Variants in GXYLT2 observed in about 807,000 individuals in gnomAD.
The protein encoded by GXYLT2 is glycosyltransferase 8 domain containing 4.
In GXYLT2, 53 loss-of-function variants were observed where a neutral mutation model predicts 45.8. That is an observed-to-expected ratio of 1.16 (90% CI 0.93 to 1.46). The LOEUF (loss-of-function observed/expected upper bound fraction) is 1.46, where lower values mean the gene tolerates loss of function less well. Ranked by LOEUF, GXYLT2 falls within the 40% of genes most tolerant of loss-of-function variation. The pLI, the probability that GXYLT2 is intolerant of heterozygous loss-of-function variation, is 0.00. For synonymous variants in GXYLT2, 219 were observed against 214.2 expected, an observed-to-expected ratio of 1.02 and a Z score of -0.19; for missense variants, 551 against 544.4, an observed-to-expected ratio of 1.01 and a Z score of -0.12.
At chr3:72,972,724 A>T (rs902245316) in intron 6 of GXYLT2, among the ~76,000 whole-genome samples, 3 of 149,572 alleles carry the variant, frequency 2.0e-5, no homozygotes, top group Non-Finnish European at 4.4e-5. Context: ...AGAAAAATTC[A>T]GCCTGGGCGA....
At chr3:72,924,575 G>A (rs1204494356) in intron 3 of GXYLT2, among the ~76,000 whole-genome samples, 1 of 152,102 alleles carries the variant, frequency 6.6e-6, no homozygotes, top group African/African-American at 2.4e-5. Context: ...TCTAACTTGT[G>A]TTTTAGAGAA....
intron 5 of GXYLT2, among the ~76,000 whole-genome samples, chr3:72,967,032 C>T (rs559209224): frequency 2.6e-5 from 4 of 152,240 alleles, no homozygotes; most frequent in African/African-American, 9.6e-5. Flanking sequence ...GCCTCCCAAA[C>T]TCTGGGATTA....
chr3:72,894,892 GTA>G (rs1354866876), intron 1 of GXYLT2, among the ~76,000 whole-genome samples: 1 of 152,198 alleles, frequency 6.6e-6, no homozygotes, highest in African/African-American at 2.4e-5. Flanking sequence ...CCACTGGACT[GTA>G]TGTAAGGCGG....
chr3:72,907,256 A>G (rs757144968), intron 1 of GXYLT2, among the ~76,000 whole-genome samples: 26 of 152,228 alleles, frequency 1.7e-4, no homozygotes, highest in Non-Finnish European at 3.2e-4. Flanking sequence ...CATGCTCATA[A>G]GTAATCAAAC....
chr3:72,931,504 CAGGCG>C (rs1710034776), intron 3 of GXYLT2, among the ~76,000 whole-genome samples: 2 of 152,114 alleles, frequency 1.3e-5, no homozygotes, highest in Admixed American at 1.3e-4. Flanking sequence ...GCTAGGATTA[CAGGCG>C]TGAGCCACCG....
intron 5 of GXYLT2, among the ~76,000 whole-genome samples, chr3:72,964,755 C>A (rs1248488459): frequency 6.6e-6 from 1 of 152,234 alleles, no homozygotes; most frequent in African/African-American, 2.4e-5. Flanking sequence ...AGACACTCAA[C>A]AAATAGTCAT....
chr3:72,899,757 T>A (rs4501056), intron 1 of GXYLT2, among the ~76,000 whole-genome samples: 44,306 of 152,054 alleles, frequency 0.29, 6,891 homozygotes, highest in Non-Finnish European at 0.34. Context: ...GACTTTCTCC[T>A]TGTTAAAATA....
chr3:72,922,895 G>A (rs1369460573), intron 3 of GXYLT2, among the ~76,000 whole-genome samples: 1 of 152,164 alleles, frequency 6.6e-6, no homozygotes, highest in Non-Finnish European at 1.5e-5. Context: ...AAGGCAGGCG[G>A]ATCACTTGAG....
At chr3:72,895,366 G>A (rs1709269144) in intron 1 of GXYLT2, among the ~76,000 whole-genome samples, 1 of 152,136 alleles carries the variant, frequency 6.6e-6, no homozygotes, top group South Asian at 2.1e-4. Flanking sequence ...GATGTAATGA[G>A]TTCCCCTTTT....
At chr3:72,924,647 G>T (rs996674395) in intron 3 of GXYLT2, among the ~76,000 whole-genome samples, 1 of 152,074 alleles carries the variant, frequency 6.6e-6, no homozygotes, top group African/African-American at 2.4e-5. Flanking sequence ...ACTTGGTTTG[G>T]GCTTTGATGG....
In GXYLT2 at chr3:72,967,585, C is replaced by A; in HGVS notation, c.1015C>A (p.Pro339Thr). ...ATTCCCCTGCCAGTGGAACTACCGTCCCGATCACTGCATGTACGGAAGCAA... is the reference window on the plus strand; with the variant it reads ...ATTCCCCTGCCAGTGGAACTACCGTACCGATCACTGCATGTACGGAAGCAA... The part of the protein sequence containing the change: ...YVFPCQWNYR[P>T]DHCMYGSNCR... The change falls in exon 6 of 7, where the codon CCC becomes ACC. Residue 339 changes from proline to threonine, a missense_variant. By Grantham distance (38) the Pro-to-Thr change is conservative. Transcript: ENST00000389617. The A allele has an allele frequency of 6.2e-7, 1 of 1,613,824 alleles. No homozygotes were observed.
At chr3:72,903,116 T>C (rs1288718654) in intron 1 of GXYLT2, among the ~76,000 whole-genome samples, 1 of 152,180 alleles carries the variant, frequency 6.6e-6, no homozygotes, top group African/African-American at 2.4e-5. Flanking sequence ...GCACTGAAAA[T>C]GGAATAGCTT....
intron 2 of GXYLT2, among the ~76,000 whole-genome samples, chr3:72,916,142 C>T (rs2107092877): frequency 6.6e-6 from 1 of 150,516 alleles, no homozygotes. Context: ...ATGTCACTTC[C>T]TGGTGGAAAC....
chr3:72,941,041 C>T (rs961651313), intron 3 of GXYLT2, among the ~76,000 whole-genome samples: 2 of 152,122 alleles, frequency 1.3e-5, no homozygotes, highest in African/African-American at 4.8e-5. Flanking sequence ...CAGAGCTTTA[C>T]GTAATGTATG....
At chr3:72,964,596 C>T (rs1710829153) in intron 5 of GXYLT2, among the ~76,000 whole-genome samples, 1 of 152,204 alleles carries the variant, frequency 6.6e-6, no homozygotes, top group Admixed American at 6.5e-5. Context: ...GCTGGGATTA[C>T]AGGCGTGAGC....
chr3:72,909,945 T>G (rs1709587388), intron 2 of GXYLT2, among the ~76,000 whole-genome samples: 1 of 151,976 alleles, frequency 6.6e-6, no homozygotes, highest in African/African-American at 2.4e-5. Flanking sequence ...GGAAAATGTG[T>G]TATGTTTGAG....
chr3:72,897,450 C>G (rs1016773256), intron 1 of GXYLT2, among the ~76,000 whole-genome samples: 1 of 152,176 alleles, frequency 6.6e-6, no homozygotes, highest in Non-Finnish European at 1.5e-5. Context: ...CCAGGGCTGC[C>G]TCTGTTGACC....
At chr3:72,955,480 G>T in intron 4 of GXYLT2, 131 bp downstream of exon 4, 1 of 719,548 alleles carries the variant, frequency 1.4e-6, no homozygotes, top group Non-Finnish European at 2.2e-6. Context: ...AGGAACCAGA[G>T]AAAAGTATTT....
chr3:72,957,403 C>T (rs1257606171), intron 5 of GXYLT2, 51 bp downstream of exon 5: 3 of 1,530,338 alleles, frequency 2.0e-6, no homozygotes, highest in Middle Eastern at 1.7e-4. Context: ...CTCAGCACAC[C>T]CCACGGAGCA....
Sources: allele counts gnomAD v4.1 joint callset (sites outside exome capture counted in the v4.1 genomes callset), GRCh38; gene constraint gnomAD v4.1.1; transcripts MANE v1.5; gene names NCBI Gene and HGNC (gene_info 2026-07-23, HGNC 2026-07-21).